The following CFAP43 variants were observed in gnomAD, a reference collection of about 807,000 sequenced individuals.
The protein encoded by CFAP43 is cilia and flagella associated protein 43, also known as cilia- and flagella-associated protein 43.
A neutral mutation model predicts 218.9 loss-of-function variants in CFAP43; 155 were observed. The observed-to-expected ratio is 0.71, with a 90% confidence interval of 0.62 to 0.81. The LOEUF is 0.81. CFAP43 is among the 30% of genes least tolerant of loss of function. The probability of loss-of-function intolerance (pLI) is 0.00; values close to 1 mark genes in which losing one functional copy is unlikely to be tolerated. For synonymous variants in CFAP43, 645 were observed against 681.3 expected, an observed-to-expected ratio of 0.95 and a Z score of 0.83; for missense variants, 1,778 against 1,954.3, an observed-to-expected ratio of 0.91 and a Z score of 1.70.
chr10:104,192,474 A>T, intron 11 of CFAP43, 172 bp from the exon 12 acceptor site: 1 of 590,246 alleles, frequency 1.7e-6, no homozygotes, highest in East Asian at 3.1e-5. Context: ...GGATATAATC[A>T]TTGTACTTTA....
At chr10:104,221,218 G>T (rs1029267500) in intron 3 of CFAP43, among the ~76,000 whole-genome samples, 3 of 152,060 alleles carry the variant, frequency 2.0e-5, no homozygotes, top group African/African-American at 7.2e-5. Flanking sequence ...CAGGTGATCC[G>T]CCCACCTTGG....
chr10:104,131,084 A>G (rs1049390377), intron 37 of CFAP43, among the ~76,000 whole-genome samples: 2 of 151,656 alleles, frequency 1.3e-5, no homozygotes, highest in African/African-American at 4.8e-5. Flanking sequence ...CTGAAAAATT[A>G]TGGGGTACTA....
intron 15 of CFAP43, 24 bp from the exon 16 acceptor site, chr10:104,185,170 G>C: frequency 6.2e-7 from 1 of 1,612,094 alleles, no homozygotes; most frequent in East Asian, 2.2e-5. Context: ...AAATAAACCA[G>C]AAAAATTACA....
chr10:104,231,131 G>C lies in CFAP43; in HGVS notation c.66-288C>G, dbSNP rs573870954. Among the ~76,000 whole-genome samples the C allele has an allele frequency of 2.6e-5, 4 of 152,326 alleles. No homozygotes were observed. The South Asian group carries it at 8.3e-4, about 32-fold the overall frequency. ...ACCAAACCTGAGAAAGTCTCAGAAG[G>C]ACTTCTGGGGTCTTCTATACTTGGA... is the stretch of plus-strand genomic sequence containing the variant. On this transcript the variant is annotated intron_variant, in intron 1 of 37. Transcript: ENST00000357060.
chr10:104,147,177 C>G (rs1209853451), intron 29 of CFAP43, among the ~76,000 whole-genome samples: 1 of 150,754 alleles, frequency 6.6e-6, no homozygotes, highest in Non-Finnish European at 1.5e-5. Context: ...TACCCAGACT[C>G]TCTGAGATGG....
intron 3 of CFAP43, among the ~76,000 whole-genome samples, chr10:104,220,974 G>C (rs1372324657): frequency 6.6e-6 from 1 of 151,596 alleles, no homozygotes; most frequent in Non-Finnish European, 1.5e-5. Context: ...GTGTGTGTGT[G>C]TGTGTGTGTG....
chr10:104,157,736 ATGTGTGTGTGTG>A (rs71485761), intron 27 of CFAP43, among the ~76,000 whole-genome samples: 2 of 107,156 alleles, frequency 1.9e-5, no homozygotes, highest in Non-Finnish European at 3.5e-5. Flanking sequence ...AGCTAACTGG[ATGTGTGTGTGTG>A]TGTGTGTGTG....
In CFAP43 at chr10:104,198,020, T is replaced by C. The variant is rs755040874; in HGVS notation, c.1114A>G (p.Thr372Ala). 5 of 1,609,212 alleles carry C rather than the reference T, an allele frequency of 3.1e-6. No individual in the cohort carries two copies. The South Asian group carries it at 5.5e-5, about 18-fold the overall frequency. Residue 372 changes from threonine to alanine, a missense_variant, in exon 9 of 38, where the codon ACT becomes GCT. By Grantham distance (58) the Thr-to-Ala change is moderately conservative (BLOSUM62 0). Transcript: ENST00000357060. ...QTDKGSVYIY[T>A]FGKEPTLNKV... is the part of the protein sequence containing the mutation. ...TTTAAGGTTGGCTCCTTACCAAAAG[T>C]GTAGATATAAACAGATCCCTGATAA...
chr10:104,132,917 T>A, intron 35 of CFAP43: 2 of 440,054 alleles, frequency 4.5e-6, no homozygotes, highest in Non-Finnish European at 6.0e-6. Flanking sequence ...AGAAGCCATG[T>A]AGAGTGTCAT....
chr10:104,168,016 TG>T (rs2089249932), intron 21 of CFAP43, among the ~76,000 whole-genome samples: 1 of 152,184 alleles, frequency 6.6e-6, no homozygotes, highest in African/African-American at 2.4e-5. Flanking sequence ...CCCTATCCTT[TG>T]CCCCCAAGAC....
chr10:104,130,657 A>T (rs1302033740), intron 37 of CFAP43, among the ~76,000 whole-genome samples: 1 of 152,176 alleles, frequency 6.6e-6, no homozygotes, highest in East Asian at 1.9e-4. Context: ...CTCACTTATA[A>T]ATGGGAGCTA....
At chr10:104,164,052 C>A in intron 24 of CFAP43, 42 bp downstream of exon 24, 3 of 1,601,954 alleles carry the variant, frequency 1.9e-6, no homozygotes, top group Non-Finnish European at 2.6e-6. Context: ...TGGGGAAAGT[C>A]TCCTGAGAAA....
chr10:104,137,773 C>T (rs1164506576), intron 34 of CFAP43, among the ~76,000 whole-genome samples: 2 of 152,180 alleles, frequency 1.3e-5, no homozygotes, highest in South Asian at 4.1e-4. Flanking sequence ...GGCACTCCAG[C>T]CCAGATGACA....
chr10:104,193,434 C>T (rs2134917746), intron 11 of CFAP43: 1 of 153,224 alleles, frequency 6.5e-6, no homozygotes, highest in Non-Finnish European at 1.5e-5. Flanking sequence ...TTGCCATTCA[C>T]TATCTGTGTA....
At position 104,133,608 on chromosome 10, in the gene CFAP43, G is replaced by A. The variant is rs1253300620; in HGVS notation, c.4596+12C>T. On this transcript the variant is annotated intron_variant, in intron 35 of 37. Coordinates refer to ENST00000357060, the MANE Select transcript of CFAP43 (RefSeq NM_025145.7). ...AAAATTAAAACTATGTAGGGGGGTA[G>A]GGAGAATTTACCTTTTGACGATCTC... 6.2e-7 allele frequency: 1 copy of A among 1,608,248 alleles called. No individual in the cohort carries two copies. Among genetic ancestry groups the A allele is most frequent in the South Asian group, 1.1e-5 (1 of 89,712 alleles).
intron 23 of CFAP43, 22 bp downstream of exon 23, chr10:104,166,466 G>C: frequency 1.3e-6 from 2 of 1,579,266 alleles, no homozygotes; most frequent in Non-Finnish European, 1.7e-6. Context: ...GATTTTTCAG[G>C]ATAAAAAGAA....
Position 104,187,446 on chromosome 10 carries a change from G to C in CFAP43, c.1734C>G (p.Ile578Met), listed in dbSNP as rs1204590706. 1 of 1,598,144 alleles carries C rather than the reference G, an allele frequency of 6.3e-7. No homozygotes were observed. Among genetic ancestry groups the C allele is most frequent in the African/African-American group, 1.4e-5 (1 of 74,050 alleles). The change falls in exon 14 of 38, where the codon ATC becomes ATG. Residue 578 changes from isoleucine to methionine, a missense_variant. By Grantham distance (10) the Ile-to-Met change is conservative (BLOSUM62 1). Transcript: ENST00000357060. Reference protein sequence around the residue: ...ADERGRLKDEIIHKYLYELEH... With the variant: ...ADERGRLKDEMIHKYLYELEH... ...CCAACTCATACAGGTACTTATGAATGATTTCATCTTTCAGCCTTCCTCTTT... is the reference window on the plus strand; with the variant it reads ...CCAACTCATACAGGTACTTATGAATCATTTCATCTTTCAGCCTTCCTCTTT...
intron 34 of CFAP43, among the ~76,000 whole-genome samples, chr10:104,138,222 T>C (rs1390188367): frequency 1.3e-5 from 2 of 152,252 alleles, no homozygotes; most frequent in Non-Finnish European, 1.5e-5. Flanking sequence ...ATTTTACCTC[T>C]GTGGTCTCTT....
At position 104,188,404 on chromosome 10, in the gene CFAP43, G is replaced by T; in HGVS notation, c.1553C>A (p.Ala518Asp). 6.2e-7 allele frequency: 1 copy of T among 1,608,424 alleles called. No individual in the cohort carries two copies. The highest frequency in any genetic ancestry group is 1.1e-5 in the South Asian group (1 of 90,288). ...TGTGGATATCTGTAAAATGTCTTTG[G>T]CCACCTCTGAAAGCAAACAGAGATC... Reference protein sequence around the residue: ...SFQIIGFTEVAKDILQISTVS... With the variant: ...SFQIIGFTEVDKDILQISTVS... The change falls in exon 13 of 38, where the codon GCC becomes GAC. Residue 518 changes from alanine to aspartate, a missense_variant. Coordinates refer to ENST00000357060, the MANE Select transcript of CFAP43 (RefSeq NM_025145.7).
Sources: gnomAD v4.1 joint callset for allele counts (sites outside exome capture counted in the v4.1 genomes callset) on GRCh38, gnomAD v4.1.1 for gene constraint, MANE v1.5 for transcripts, NCBI Gene and HGNC (gene_info 2026-07-23, HGNC 2026-07-21) for gene names.